FGGY: variants seen among roughly 807,000 people sequenced by gnomAD.
The protein encoded by FGGY is FGGY carbohydrate kinase domain containing, also known as FGGY carbohydrate kinase domain-containing protein.
A neutral mutation model predicts 71.3 loss-of-function variants in FGGY; 72 were observed. The observed-to-expected ratio is 1.01, with a 90% CI of 0.84 to 1.23. The LOEUF (loss-of-function observed/expected upper bound fraction) is 1.23. Among genes scored for constraint, FGGY ranks in the 50% most tolerant of loss-of-function variants. The pLI, the probability that FGGY is intolerant of heterozygous loss-of-function variation, is 0.00. For missense variants in FGGY, 668 were observed against 682.3 expected (o/e 0.98, Z 0.23); for synonymous variants, 251 against 250.3 (o/e 1.00, Z -0.02).
intron 8 of FGGY, among the ~76,000 whole-genome samples, chr1:59,597,789 C>G (rs58745873): frequency 6.6e-6 from 1 of 152,182 alleles, no homozygotes; most frequent in African/African-American, 2.4e-5. Flanking sequence ...TAACGGAACT[C>G]TAAAGTCTGC....
At chr1:59,673,020 C>T (rs2097396490) in intron 13 of FGGY, among the ~76,000 whole-genome samples, 1 of 152,114 alleles carries the variant, frequency 6.6e-6, no homozygotes, top group Non-Finnish European at 1.5e-5. Context: ...CTGTGATGAC[C>T]GCTACCCCAG....
chr1:59,574,294 C>G (rs1216302662), intron 8 of FGGY, among the ~76,000 whole-genome samples: 1 of 152,190 alleles, frequency 6.6e-6, no homozygotes, highest in Non-Finnish European at 1.5e-5. Context: ...GCCTTGCCTT[C>G]TGTGGTTTCA....
intron 5 of FGGY, among the ~76,000 whole-genome samples, chr1:59,423,032 G>A (rs1447984589): frequency 5.3e-5 from 8 of 152,156 alleles, no homozygotes; most frequent in Admixed American, 5.2e-4. Flanking sequence ...CAGCCTTTCC[G>A]AACACTCCAG....
At position 59,370,984 on chromosome 1, in the gene FGGY, A is replaced by G. The variant is rs535598917; in HGVS notation, c.466-7765A>G. On this transcript the variant is annotated intron_variant, in intron 4 of 15. Coordinates refer to ENST00000303721, the MANE Select transcript of FGGY (RefSeq NM_018291.5). ...AATGTAAAGACCATCGAGACTAGGA[A>G]GAAACTGCATCAACTAACGAGCAAA... Among the ~76,000 whole-genome samples, 113 of 152,132 alleles carry G rather than the reference A, an allele frequency of 7.4e-4. 1 individual carries two copies. The highest frequency in any genetic ancestry group is 9.1e-4 in the Non-Finnish European group (62 of 67,956).
At chr1:59,714,922 C>A (rs919142727) in intron 14 of FGGY, among the ~76,000 whole-genome samples, 1 of 152,162 alleles carries the variant, frequency 6.6e-6, no homozygotes, top group Non-Finnish European at 1.5e-5. Flanking sequence ...ATCCTTGACC[C>A]AGGAAAGAGT....
chr1:59,417,289 A>T (rs537677281), intron 5 of FGGY, among the ~76,000 whole-genome samples: 1 of 152,078 alleles, frequency 6.6e-6, no homozygotes, highest in South Asian at 2.1e-4. Context: ...AATTGATAAT[A>T]CTCTGTTGCA....
chr1:59,642,989 C>G (rs2097052853), intron 11 of FGGY, among the ~76,000 whole-genome samples: 1 of 143,724 alleles, frequency 7.0e-6, no homozygotes, highest in Admixed American at 7.1e-5. Context: ...GAGCCAAGAT[C>G]ACGCCACTGC....
At chr1:59,376,066 T>C (rs1392004605) in intron 4 of FGGY, among the ~76,000 whole-genome samples, 2 of 152,052 alleles carry the variant, frequency 1.3e-5, no homozygotes, top group African/African-American at 2.4e-5. Flanking sequence ...ACAAGACATA[T>C]GGAAATAGAT....
intron 13 of FGGY, among the ~76,000 whole-genome samples, chr1:59,667,739 A>T (rs1363279195): frequency 2.0e-5 from 3 of 152,202 alleles, no homozygotes; most frequent in Non-Finnish European, 4.4e-5. Context: ...TGAAGATACG[A>T]AGATGAATAG....
chr1:59,523,350 C>A (rs1483675343), intron 7 of FGGY, among the ~76,000 whole-genome samples: 1 of 152,228 alleles, frequency 6.6e-6, no homozygotes, highest in Admixed American at 6.5e-5. Context: ...ACATCAGCAG[C>A]TGATGGTGGG....
At chr1:59,633,983 G>A (rs2096932352) in intron 10 of FGGY, among the ~76,000 whole-genome samples, 1 of 152,152 alleles carries the variant, frequency 6.6e-6, no homozygotes, top group African/African-American at 2.4e-5. Context: ...AATGAGGAAG[G>A]AGTGGTCAAA....
At chr1:59,412,252 C>T (rs1237295183) in intron 5 of FGGY, among the ~76,000 whole-genome samples, 1 of 152,144 alleles carries the variant, frequency 6.6e-6, no homozygotes, top group African/African-American at 2.4e-5. Context: ...GTGGTTGCTA[C>T]CTCTGGATCT....
chr1:59,447,592 G>A (rs976104564), intron 5 of FGGY, among the ~76,000 whole-genome samples: 3 of 152,312 alleles, frequency 2.0e-5, no homozygotes, highest in African/African-American at 7.2e-5. Flanking sequence ...GAGGGACCCA[G>A]TGGGAGATAA....
chr1:59,395,572 T>C (rs2061229616), intron 5 of FGGY, among the ~76,000 whole-genome samples: 1 of 152,194 alleles, frequency 6.6e-6, no homozygotes, highest in South Asian at 2.1e-4. Flanking sequence ...AATACAGTGG[T>C]TGGCAGTTCT....
intron 15 of FGGY, among the ~76,000 whole-genome samples, chr1:59,760,070 A>T (rs2098328854): frequency 6.6e-6 from 1 of 152,218 alleles, no homozygotes. Context: ...TATCCAGAAT[A>T]TATAAATGTA....
rs543209756 is a variant in FGGY at position 59,720,132 on chromosome 1, A to G, written c.1513-37799A>G. Among the ~76,000 whole-genome samples, 229 of 152,336 alleles carry G rather than the reference A, an allele frequency of 1.5e-3. 1 individual carries two copies. The highest frequency in any genetic ancestry group is 5.3e-3 in the African/African-American group (221 of 41,586). On this transcript the variant is annotated intron_variant, in intron 14 of 15. Coordinates refer to ENST00000303721, the MANE Select transcript of FGGY (RefSeq NM_018291.5). ...CTCTCCTCTGATTACTGGGGATTTCATCATCATTCAGGATACCTTCTCTCA... is the reference window on the plus strand; with the variant it reads ...CTCTCCTCTGATTACTGGGGATTTCGTCATCATTCAGGATACCTTCTCTCA...
intron 5 of FGGY, among the ~76,000 whole-genome samples, chr1:59,436,214 C>A (rs79019574): frequency 0.016 from 2,391 of 152,224 alleles, 61 homozygotes; most frequent in African/African-American, 0.054. Context: ...ACTTCACCGT[C>A]CCTCAGTCAC....
At chr1:59,496,318 C>T (rs1353434099) in intron 6 of FGGY, among the ~76,000 whole-genome samples, 1 of 152,118 alleles carries the variant, frequency 6.6e-6, no homozygotes, top group Non-Finnish European at 1.5e-5. Flanking sequence ...AAATATGGCA[C>T]ATGTATACCC....
At chr1:59,728,248 T>C (rs2097973937) in intron 14 of FGGY, among the ~76,000 whole-genome samples, 1 of 152,140 alleles carries the variant, frequency 6.6e-6, no homozygotes, top group East Asian at 1.9e-4. Flanking sequence ...TATACATGTT[T>C]AATCTAAGTC....
Sources: gnomAD v4.1 joint callset for allele counts (sites outside exome capture counted in the v4.1 genomes callset) on GRCh38, gnomAD v4.1.1 for gene constraint, MANE v1.5 for transcripts, NCBI Gene and HGNC (gene_info 2026-07-23, HGNC 2026-07-21) for gene names.